HIPK2: variants seen among roughly 807,000 people sequenced by gnomAD.
The protein encoded by HIPK2 is homeodomain interacting protein kinase 2.
In HIPK2, 27 loss-of-function variants were observed where a neutral mutation model predicts 113.7. The observed-to-expected ratio is 0.24, with a 90% CI of 0.17 to 0.33. The LOEUF (loss-of-function observed/expected upper bound fraction) is 0.33. Ranked by LOEUF, HIPK2 falls within the 10% of genes least tolerant of loss-of-function variation. The pLI is 1.00. For missense variants in HIPK2, 1,257 were observed against 1,588.0 expected (o/e 0.79, Z 3.54); for synonymous variants, 631 against 642.2 (o/e 0.98, Z 0.26).
intron 12 of HIPK2, among the ~76,000 whole-genome samples, chr7:139,584,549 A>G (rs1245556744): frequency 3.9e-5 from 6 of 152,248 alleles, no homozygotes; most frequent in African/African-American, 1.4e-4. Flanking sequence ...GGCCTGGCAA[A>G]GCTTATGCAG....
chr7:139,695,689 A>C (rs1794542269), intron 2 of HIPK2, among the ~76,000 whole-genome samples: 1 of 151,996 alleles, frequency 6.6e-6, no homozygotes, highest in Admixed American at 6.5e-5. Flanking sequence ...ATGAAAATTT[A>C]GGAAAGGAGG....
rs1346885315 is a variant in HIPK2, at chr7:139,620,495, T to C, written c.1688A>G (p.Gln563Arg). 1.2e-6 allele frequency: 2 copies of C among 1,614,170 alleles called. No homozygotes were observed. Among genetic ancestry groups the C allele is most frequent in the Non-Finnish European group, 1.7e-6 (2 of 1,180,030 alleles). Residue 563 changes from glutamine (Q) to arginine (R), a missense_variant, in exon 7 of 15, where the codon CAG becomes CGG. Coordinates refer to ENST00000406875, the MANE Select transcript of HIPK2 (RefSeq NM_022740.5). ...RRVNMYDTVNQSKTPFITHVA... is the reference protein window; with the variant it reads ...RRVNMYDTVNRSKTPFITHVA... ...GTGCGTGATGAAAGGGGTTTTGCTC[T>C]GGTTCACCGTGTCATACATATTCAC...
chr7:139,770,608 T>C (rs1796634610), intron 1 of HIPK2, among the ~76,000 whole-genome samples: 1 of 152,204 alleles, frequency 6.6e-6, no homozygotes, highest in Non-Finnish European at 1.5e-5. Context: ...TCATGGAAGG[T>C]TCTATGGTGA....
At chr7:139,680,902 G>A (rs1802676773) in intron 2 of HIPK2, among the ~76,000 whole-genome samples, 1 of 152,240 alleles carries the variant, frequency 6.6e-6, no homozygotes, top group Non-Finnish European at 1.5e-5. Flanking sequence ...GCCCAGTGAG[G>A]CAGCCACAGG....
At position 139,615,229 on chromosome 7, in the gene HIPK2, A is replaced by G. The variant is rs1799996538; in HGVS notation, c.1783-736T>C. On this transcript the variant is annotated intron_variant, in intron 7 of 14. Transcript: ENST00000406875. ...CTCAGGACTATGGGCAGTACTGTTT[A>G]CAGATGTCCTTAGATGGCTGCAAAG... Among the ~76,000 whole-genome samples the G allele has an allele frequency of 1.3e-5, 2 of 152,230 alleles. 1 individual carries two copies. Among genetic ancestry groups the G allele is most frequent in the South Asian group, 4.1e-4 (2 of 4,830 alleles).
chr7:139,775,096 G>A (rs1213707281), intron 1 of HIPK2, among the ~76,000 whole-genome samples: 2 of 152,074 alleles, frequency 1.3e-5, no homozygotes, highest in Non-Finnish European at 2.9e-5. Context: ...ATTCCCTCTC[G>A]TGTCGTTATA....
At chr7:139,644,089 A>G (rs1801125183) in intron 2 of HIPK2, among the ~76,000 whole-genome samples, 1 of 152,222 alleles carries the variant, frequency 6.6e-6, no homozygotes, top group African/African-American at 2.4e-5. Flanking sequence ...AGAGAAATGG[A>G]ACCATGTGTC....
Position 139,716,178 on chromosome 7 carries a change from T to C in HIPK2, c.857A>G (p.Asp286Gly). 6.2e-7 allele frequency: 1 copy of C among 1,614,022 alleles called. No individual in the cohort carries two copies. Among genetic ancestry groups the C allele is most frequent in the Non-Finnish European group, 8.5e-7 (1 of 1,179,898 alleles). ...VFEMLEQNLY[D>G]FLKQNKFSPL... ...GCTAAACTTGTTTTGCTTCAGAAAG[T>C]CATAGAGGTTCTGCTCCAACATCTC... Residue 286 changes from aspartate to glycine, a missense_variant, in exon 2 of 15, where the codon GAC (aspartate) becomes GGC (glycine). This residue lies in a region of HIPK2 where 78 missense variants were observed against 145.7 expected (regional missense o/e 0.54). Transcript: ENST00000406875. The surrounding 1 kb of genome is among the most constrained non-coding windows in gnomAD (Gnocchi z 9.3).
In HIPK2 at chr7:139,631,577, G is replaced by T; in HGVS notation, c.1227+25C>A. The T allele has an allele frequency of 6.2e-7, 1 of 1,607,166 alleles. No homozygotes were observed. The highest frequency in any genetic ancestry group is 1.1e-5 in the South Asian group (1 of 89,664). On this transcript the variant is annotated intron_variant, in intron 3 of 14. Coordinates refer to ENST00000406875, the MANE Select transcript of HIPK2 (RefSeq NM_022740.5). This position sits in a 1 kb window ranked among gnomAD's most constrained non-coding sequence, Gnocchi z 4.9. ...TTCCAGATGAAGAATGAGGTCTTGT[G>T]AATATCTGTGTCATCTGGACCCACC... is the stretch of plus-strand genomic sequence containing the variant.
intron 11 of HIPK2, among the ~76,000 whole-genome samples, chr7:139,600,128 C>A (rs1427932734): frequency 6.6e-6 from 1 of 152,098 alleles, no homozygotes; most frequent in Non-Finnish European, 1.5e-5. Context: ...TATAAATTTT[C>A]ACTCGCCCAC....
chr7:139,615,625 A>G (rs1254402883), intron 7 of HIPK2, among the ~76,000 whole-genome samples: 1 of 152,248 alleles, frequency 6.6e-6, no homozygotes, highest in East Asian at 1.9e-4. Flanking sequence ...ACTGTCTACA[A>G]GAGGTTTTGC....
intron 2 of HIPK2, among the ~76,000 whole-genome samples, chr7:139,674,172 T>C (rs1007040459): frequency 3.3e-5 from 5 of 151,996 alleles, no homozygotes; most frequent in African/African-American, 9.7e-5. Flanking sequence ...AATAACTAAA[T>C]GTTGTGCGGC....
intron 1 of HIPK2, among the ~76,000 whole-genome samples, chr7:139,775,271 A>G (rs1001530198): frequency 6.6e-6 from 1 of 152,238 alleles, no homozygotes; most frequent in Non-Finnish European, 1.5e-5. Flanking sequence ...CTGAACCCAG[A>G]GGATGTCACC....
chr7:139,757,240 C>T (rs1481993612), intron 1 of HIPK2, among the ~76,000 whole-genome samples: 2 of 152,034 alleles, frequency 1.3e-5, no homozygotes, highest in Non-Finnish European at 2.9e-5. Flanking sequence ...CAGGCTTTCC[C>T]GGAGGAAAAA....
chr7:139,760,797 T>C (rs1263652154), intron 1 of HIPK2, among the ~76,000 whole-genome samples: 1 of 152,214 alleles, frequency 6.6e-6, no homozygotes, highest in Non-Finnish European at 1.5e-5. Context: ...ACAAGTCACC[T>C]CTGCACCAAT....
intron 1 of HIPK2, among the ~76,000 whole-genome samples, chr7:139,766,809 A>G (rs1231780951): frequency 6.6e-6 from 1 of 152,206 alleles, no homozygotes; most frequent in Non-Finnish European, 1.5e-5. Context: ...TTAGTTAATA[A>G]TAGTGTATTA....
chr7:139,718,374 C>T (rs998493582), intron 1 of HIPK2, among the ~76,000 whole-genome samples: 2 of 152,164 alleles, frequency 1.3e-5, no homozygotes, highest in Admixed American at 6.5e-5. Flanking sequence ...AGTGGTAATC[C>T]TTTCCACTCC....
intron 2 of HIPK2, among the ~76,000 whole-genome samples, chr7:139,646,632 T>C (rs1801240353): frequency 6.6e-6 from 1 of 152,126 alleles, no homozygotes; most frequent in Non-Finnish European, 1.5e-5. Context: ...ACAGGGACTC[T>C]CCTACAGTGC....
intron 13 of HIPK2, among the ~76,000 whole-genome samples, chr7:139,580,018 G>A (rs1360112251): frequency 6.6e-6 from 1 of 152,178 alleles, no homozygotes; most frequent in East Asian, 1.9e-4. Context: ...CCCAAAACCT[G>A]AGGGATGGAG....
Sources: allele counts gnomAD v4.1 joint callset (sites outside exome capture counted in the v4.1 genomes callset), GRCh38; gene constraint gnomAD v4.1.1; regional missense constraint gnomAD v4.1.1; non-coding constraint Gnocchi (gnomAD v3.1); transcripts MANE v1.5; gene names NCBI Gene and HGNC (gene_info 2026-07-23, HGNC 2026-07-21).